SORCS2: variants seen among roughly 807,000 people sequenced by gnomAD.
SORCS2 encodes VPS10 domain-containing receptor SorCS2.
A neutral mutation model predicts 141.6 loss-of-function variants in SORCS2; 100 were observed. The observed-to-expected ratio is 0.71, with a 90% CI of 0.60 to 0.83. SORCS2 has a LOEUF of 0.83. SORCS2 is among the 40% of genes least tolerant of loss of function. The probability of loss-of-function intolerance (pLI) is 0.00; values close to 1 mark genes in which losing one functional copy is unlikely to be tolerated. For synonymous variants in SORCS2, 789 were observed against 676.9 expected (o/e 1.17, Z -2.57); for missense variants, 1,646 against 1,560.2 (o/e 1.05, Z -0.93).
intron 9 of SORCS2, 105 bp downstream of exon 9, chr4:7,676,334 T>C (rs2108952157): frequency 2.4e-6 from 3 of 1,273,122 alleles, no homozygotes; most frequent in South Asian, 2.8e-5. Context: ...TCTATATAGC[T>C]GTCTCAAGGG....
chr4:7,616,362 C>T (rs1029901853), intron 3 of SORCS2, among the ~76,000 whole-genome samples: 12 of 152,090 alleles, frequency 7.9e-5, no homozygotes, highest in Non-Finnish European at 1.8e-4. Context: ...CCTATTCATC[C>T]ACCTATCTAC....
chr4:7,282,738 T>C (rs1715961227), intron 1 of SORCS2, among the ~76,000 whole-genome samples: 2 of 151,622 alleles, frequency 1.3e-5, no homozygotes, highest in Non-Finnish European at 2.9e-5. Flanking sequence ...GGGCTGAGAG[T>C]GGTGTGATAG....
At chr4:7,274,829 A>C (rs1247524866) in intron 1 of SORCS2, among the ~76,000 whole-genome samples, 1 of 152,192 alleles carries the variant, frequency 6.6e-6, no homozygotes, top group African/African-American at 2.4e-5. Flanking sequence ...GAGGGGTGTC[A>C]GGCTGACTTG....
chr4:7,673,926 T>G (rs974118146), intron 8 of SORCS2, among the ~76,000 whole-genome samples: 1 of 152,182 alleles, frequency 6.6e-6, no homozygotes, highest in African/African-American at 2.4e-5. Flanking sequence ...CGGCCCAGGC[T>G]GGTGGACAAA....
At chr4:7,195,189 TGTGTG>T (rs1727100043) in intron 1 of SORCS2, among the ~76,000 whole-genome samples, 6 of 138,152 alleles carry the variant, frequency 4.3e-5, no homozygotes, top group African/African-American at 1.4e-4. Flanking sequence ...TGTGTGTGTG[TGTGTG>T]TGTTGTGGGG....
chr4:7,479,278 C>G (rs1479400546), intron 2 of SORCS2, among the ~76,000 whole-genome samples: 1 of 151,908 alleles, frequency 6.6e-6, no homozygotes, highest in Non-Finnish European at 1.5e-5. Context: ...AGCTGAGCCT[C>G]AATGTCTGGG....
chr4:7,239,766 A>G (rs1438733894), intron 1 of SORCS2, among the ~76,000 whole-genome samples: 2 of 152,210 alleles, frequency 1.3e-5, no homozygotes, highest in African/African-American at 4.8e-5. Context: ...GCCCTTTCGG[A>G]TGTTAGGGAA....
intron 2 of SORCS2, among the ~76,000 whole-genome samples, chr4:7,437,256 T>C (rs1199062999): frequency 6.6e-6 from 1 of 152,152 alleles, no homozygotes; most frequent in African/African-American, 2.4e-5. Context: ...TTCTCTAGGG[T>C]GGCTCATAGG....
At chr4:7,440,748 C>A (rs1343648367) in intron 2 of SORCS2, among the ~76,000 whole-genome samples, 2 of 152,238 alleles carry the variant, frequency 1.3e-5, no homozygotes, top group Non-Finnish European at 2.9e-5. Flanking sequence ...TCCTGGGGGA[C>A]CCTCCTGTCC....
chr4:7,450,733 G>GTGAC (rs1728379939), intron 2 of SORCS2, among the ~76,000 whole-genome samples: 1 of 152,212 alleles, frequency 6.6e-6, no homozygotes, highest in Non-Finnish European at 1.5e-5. Context: ...GCATGAATGA[G>GTGAC]TGACTGAATG....
In SORCS2 at chr4:7,201,658, C is replaced by T. The variant is rs1312444074; in HGVS notation, c.480+8532C>T. On this transcript the variant is annotated intron_variant, in intron 1 of 26. Coordinates refer to ENST00000507866, the MANE Select transcript of SORCS2 (RefSeq NM_020777.3). This position sits in a 1 kb window ranked among gnomAD's most constrained non-coding sequence, Gnocchi z 4.4. ...GGAAGAAATGGAGGGGAAGCTTGTA[C>T]GTTGCCTCCTCTTTTGGGGCCGCCT... 2.0e-5 allele frequency among the ~76,000 whole-genome samples: 3 copies of T among 152,170 alleles called. No individual in the cohort carries two copies. The highest frequency in any genetic ancestry group is 2.4e-5 in the African/African-American group (1 of 41,460).
intron 1 of SORCS2, among the ~76,000 whole-genome samples, chr4:7,198,861 C>T (rs59433862): frequency 3.3e-5 from 5 of 152,242 alleles, no homozygotes; most frequent in East Asian, 3.9e-4. Context: ...AGGGAAGTCT[C>T]GGCGTGCAAA....
intron 1 of SORCS2, among the ~76,000 whole-genome samples, chr4:7,313,099 C>T (rs1303749877): frequency 1.3e-5 from 2 of 152,230 alleles, no homozygotes; most frequent in Non-Finnish European, 2.9e-5. Flanking sequence ...GCTCATGGCC[C>T]AGACTGTGGG....
At position 7,729,627 on chromosome 4, in the gene SORCS2, A is replaced by G. The variant is rs775858252; in HGVS notation, c.3023A>G (p.Lys1008Arg). The change falls in exon 23 of 27, where the codon AAG becomes AGG. Residue 1008 changes from lysine to arginine, a missense_variant. Physicochemically the swap from Lys to Arg is conservative, Grantham distance 26 (BLOSUM62 2). Transcript: ENST00000507866. ...VPQELLVTVV[K>R]PGLPTLADLY... ...CAGGAGCTTCTGGTGACTGTGGTGA[A>G]GCCGGGGCTGCCCACTTTGGCCGAT... 1.3e-6 allele frequency: 2 copies of G among 1,595,428 alleles called. No individual in the cohort carries two copies. The highest frequency in any genetic ancestry group is 8.5e-7 in the Non-Finnish European group (1 of 1,171,162).
In SORCS2 at chr4:7,231,601, C is replaced by T. The variant is rs988980829; in HGVS notation, c.480+38475C>T. On this transcript the variant is annotated intron_variant, in intron 1 of 26. Coordinates refer to ENST00000507866, the MANE Select transcript of SORCS2 (RefSeq NM_020777.3). The stretch of plus-strand genomic sequence containing the variant: ...CTTAGCAAATGTTTATGGAACTCTA[C>T]ACTGTGTGGTGCACTGGGGACCCCC... Among the ~76,000 whole-genome samples the T allele has an allele frequency of 5.3e-5, 8 of 152,350 alleles. No individual in the cohort carries two copies. The East Asian group carries it at 1.3e-3, about 26-fold the overall frequency.
chr4:7,656,147 T>G (rs1464321881), intron 5 of SORCS2, among the ~76,000 whole-genome samples: 7 of 152,200 alleles, frequency 4.6e-5, no homozygotes, highest in African/African-American at 7.2e-5. Context: ...CAGCGGGAAT[T>G]GCCAAAGCCC....
At chr4:7,606,032 G>A (rs192844602) in intron 3 of SORCS2, among the ~76,000 whole-genome samples, 41 of 152,334 alleles carry the variant, frequency 2.7e-4, no homozygotes, top group African/African-American at 8.7e-4. Flanking sequence ...GGGACACCAC[G>A]TCAGGGAGAG....
chr4:7,644,306 G>C (rs1455669302), intron 4 of SORCS2, among the ~76,000 whole-genome samples: 1 of 152,150 alleles, frequency 6.6e-6, no homozygotes, highest in Non-Finnish European at 1.5e-5. Flanking sequence ...CTTCCATAAA[G>C]CCAGTGACTG....
chr4:7,553,434 C>G (rs559437257), intron 3 of SORCS2, among the ~76,000 whole-genome samples: 1 of 152,290 alleles, frequency 6.6e-6, no homozygotes, highest in African/African-American at 2.4e-5. Flanking sequence ...ATTTGAATGT[C>G]TGTAGATAGG....
Sources: gnomAD v4.1 joint callset for allele counts (sites outside exome capture counted in the v4.1 genomes callset) on GRCh38, gnomAD v4.1.1 for gene constraint, Gnocchi (gnomAD v3.1) non-coding constraint, MANE v1.5 for transcripts, NCBI Gene and HGNC (gene_info 2026-07-23, HGNC 2026-07-21) for gene names.